OSBPL9: variants seen among roughly 807,000 people sequenced by gnomAD.
The protein encoded by OSBPL9 is oxysterol-binding protein-related protein 9.
OSBPL9 carries 40 observed loss-of-function variants against 106.6 expected under a neutral mutation model. That is an observed-to-expected ratio of 0.38 (90% CI 0.29 to 0.49). The LOEUF (loss-of-function observed/expected upper bound fraction) is 0.49. Ranked by LOEUF, OSBPL9 falls within the 20% of genes least tolerant of loss-of-function variation. The pLI, the probability that OSBPL9 is intolerant of heterozygous loss-of-function variation, is 0.97. For missense variants in OSBPL9, 609 were observed against 887.2 expected, an observed-to-expected ratio of 0.69 and a Z score of 3.98; for synonymous variants, 269 against 295.4, an observed-to-expected ratio of 0.91 and a Z score of 0.92.
At chr1:51,657,946 A>C (rs545889129) in intron 2 of OSBPL9, among the ~76,000 whole-genome samples, 20 of 152,070 alleles carry the variant, frequency 1.3e-4, no homozygotes, top group East Asian at 9.7e-4. Flanking sequence ...AACAAACAAA[A>C]AAAATGAACA....
chr1:51,587,369 T>TA (rs903543386), intron 1 of OSBPL9, among the ~76,000 whole-genome samples: 3 of 151,580 alleles, frequency 2.0e-5, no homozygotes, highest in South Asian at 2.1e-4. Context: ...CGTCTCAAAA[T>TA]AAAAAAAAGA....
chr1:51,545,267 G>C, the OSBPL9 span, among the ~76,000 whole-genome samples: 1 of 152,166 alleles, frequency 6.6e-6, no homozygotes, highest in South Asian at 2.1e-4. Flanking sequence ...GAGATGGAAA[G>C]TCATTATTTT....
At chr1:51,748,011 G>A (rs564540292) in intron 6 of OSBPL9, among the ~76,000 whole-genome samples, 2 of 152,102 alleles carry the variant, frequency 1.3e-5, no homozygotes, top group African/African-American at 4.8e-5. Flanking sequence ...GGATGGTCTC[G>A]ATCTCCTGAC....
chr1:51,721,207 T>C (rs1269200317), intron 4 of OSBPL9, among the ~76,000 whole-genome samples: 1 of 152,010 alleles, frequency 6.6e-6, no homozygotes, highest in Non-Finnish European at 1.5e-5. Context: ...CATGATACCT[T>C]GTATACAAGG....
chr1:51,765,081 T>C (rs1672291400), intron 11 of OSBPL9, among the ~76,000 whole-genome samples: 1 of 152,242 alleles, frequency 6.6e-6, no homozygotes, highest in African/African-American at 2.4e-5. Flanking sequence ...TTTGATACTT[T>C]TTTGTTCTTG....
At chr1:51,617,993 T>A (rs1212804144) in intron 1 of OSBPL9, among the ~76,000 whole-genome samples, 1 of 144,716 alleles carries the variant, frequency 6.9e-6, no homozygotes, top group Non-Finnish European at 1.5e-5. Context: ...GAATCTTACG[T>A]GGTTGTGTGT....
chr1:51,632,832 C>G (rs1046090536), intron 1 of OSBPL9, among the ~76,000 whole-genome samples: 1 of 152,056 alleles, frequency 6.6e-6, no homozygotes, highest in Non-Finnish European at 1.5e-5. Flanking sequence ...TTCTGACAGG[C>G]AACATCCTCT....
chr1:51,524,868 C>T, the OSBPL9 span, among the ~76,000 whole-genome samples: 1 of 152,202 alleles, frequency 6.6e-6, no homozygotes, highest in Non-Finnish European at 1.5e-5. Context: ...AGAAACCTTG[C>T]ACTCATGGCT....
chr1:51,772,609 G>C lies in OSBPL9; in HGVS notation c.1056G>C (p.Leu352=). The part of the protein sequence containing the change: ...SLSNGTSDAD[L]FDSHDDRDDD... The stretch of plus-strand genomic sequence containing the variant: ...ATAAGATCTGCTTTATTTTAGACCT[G>C]TTTGATTCACATGATGACAGAGATG... Residue 352 remains leucine (L), a synonymous_variant, in exon 14 of 24, where the codon CTG becomes CTC. Coordinates refer to ENST00000428468, the MANE Select transcript of OSBPL9 (RefSeq NM_024586.6). 6.2e-7 allele frequency: 1 copy of C among 1,612,992 alleles called. No individual in the cohort carries two copies.
In OSBPL9 at chr1:51,619,080, A is replaced by G. The variant is rs547652005; in HGVS notation, c.111+1859A>G. On this transcript the variant is annotated intron_variant, in intron 1 of 23. Transcript: ENST00000428468. ...TTTAGGTGGGCATGAAAGAGAGGCA[A>G]CTGAATATTATGTCCTGAAAACTCT... Among the ~76,000 whole-genome samples the G allele has an allele frequency of 1.5e-4, 23 of 152,336 alleles. 1 individual carries two copies. The South Asian group carries it at 4.8e-3, about 32-fold the overall frequency.
At chr1:51,740,171 C>T in intron 4 of OSBPL9, 1 of 1,546,074 alleles carries the variant, frequency 6.5e-7, no homozygotes, top group South Asian at 1.2e-5. Context: ...TTTTTCCAGT[C>T]TTCTGGTATC....
the OSBPL9 span, among the ~76,000 whole-genome samples, chr1:51,553,382 C>T: frequency 8.6e-5 from 13 of 151,972 alleles, no homozygotes; most frequent in African/African-American, 2.9e-4. Context: ...GGCATGGTGG[C>T]ATGCATTTGT....
chr1:51,638,605 C>T (rs1645597395), intron 1 of OSBPL9, among the ~76,000 whole-genome samples: 2 of 152,078 alleles, frequency 1.3e-5, no homozygotes, highest in South Asian at 2.1e-4. Context: ...CACGGTGGCT[C>T]ATACCTGTAA....
chr1:51,526,510 C>T, the OSBPL9 span, among the ~76,000 whole-genome samples: 2 of 152,144 alleles, frequency 1.3e-5, no homozygotes, highest in African/African-American at 4.8e-5. Flanking sequence ...TTAAATGATG[C>T]AACTGGTGTG....
intron 1 of OSBPL9, among the ~76,000 whole-genome samples, chr1:51,622,513 G>C (rs1644503332): frequency 6.6e-6 from 1 of 152,082 alleles, no homozygotes; most frequent in South Asian, 2.1e-4. Context: ...TCTGGCTCAG[G>C]GTCTCTTATG....
intron 2 of OSBPL9, among the ~76,000 whole-genome samples, chr1:51,599,655 GTA>G (rs1373455789): frequency 6.6e-6 from 1 of 152,014 alleles, no homozygotes; most frequent in Non-Finnish European, 1.5e-5. Flanking sequence ...GATAAAATGT[GTA>G]GACTTTATTT....
At chr1:51,528,557 AC>A in the OSBPL9 span, among the ~76,000 whole-genome samples, 1 of 151,764 alleles carries the variant, frequency 6.6e-6, no homozygotes, top group Non-Finnish European at 1.5e-5. Context: ...GAAAAAAAAA[AC>A]AAACTGAAAA....
At chr1:51,535,126 G>C in the OSBPL9 span, among the ~76,000 whole-genome samples, 1 of 152,172 alleles carries the variant, frequency 6.6e-6, no homozygotes, top group South Asian at 2.1e-4. Flanking sequence ...GAAGGCCTTT[G>C]TTTTCTTCCA....
At chr1:51,648,469 GAT>G (rs1300560555) in intron 1 of OSBPL9, among the ~76,000 whole-genome samples, 41 of 152,200 alleles carry the variant, frequency 2.7e-4, no homozygotes, top group Non-Finnish European at 4.4e-4. Flanking sequence ...CTTCCTGGGA[GAT>G]GACTCTGTCC....
Sources: gnomAD v4.1 joint callset for allele counts (sites outside exome capture counted in the v4.1 genomes callset) on GRCh38, gnomAD v4.1.1 for gene constraint, MANE v1.5 for transcripts, NCBI Gene and HGNC (gene_info 2026-07-23, HGNC 2026-07-21) for gene names.